BMPER: variants seen among roughly 807,000 people sequenced by gnomAD.
BMPER encodes the protein BMP binding endothelial regulator, also known as BMP-binding endothelial regulator protein.
In BMPER, 45 loss-of-function variants were observed where a neutral mutation model predicts 87.3. The ratio of observed to expected loss-of-function variants is 0.52; its 90% CI spans 0.41 to 0.66. The LOEUF is 0.66. BMPER is among the 30% of genes least tolerant of loss of function. The pLI is 0.00. For missense variants in BMPER, 784 were observed against 867.5 expected (o/e 0.90, Z 1.21); for synonymous variants, 326 against 316.2 (o/e 1.03, Z -0.33).
chr7:34,103,234 G>T (rs767674277), intron 13 of BMPER, among the ~76,000 whole-genome samples: 7 of 152,096 alleles, frequency 4.6e-5, no homozygotes, highest in Non-Finnish European at 8.8e-5. Flanking sequence ...TGGGTGTAGA[G>T]AGAATGAGCT....
intron 13 of BMPER, among the ~76,000 whole-genome samples, chr7:34,130,019 A>T (rs184225351): frequency 3.3e-5 from 5 of 152,184 alleles, no homozygotes; most frequent in Admixed American, 6.5e-5. Context: ...ATGATAAGTG[A>T]ATAGGAGGGT....
chr7:33,925,137 G>A (rs1784330765), intron 2 of BMPER, among the ~76,000 whole-genome samples: 1 of 152,262 alleles, frequency 6.6e-6, no homozygotes, highest in African/African-American at 2.4e-5. Context: ...GCCCTCCCAT[G>A]TTCATTTGTA....
intron 6 of BMPER, among the ~76,000 whole-genome samples, chr7:34,041,313 C>T (rs924143573): frequency 2.0e-5 from 3 of 152,104 alleles, no homozygotes; most frequent in African/African-American, 7.2e-5. Context: ...AAGCACAGTA[C>T]CTGGCACAAC....
chr7:34,136,428 G>A (rs953579986), intron 13 of BMPER, among the ~76,000 whole-genome samples: 1 of 152,188 alleles, frequency 6.6e-6, no homozygotes, highest in African/African-American at 2.4e-5. Context: ...ACTACCTTTA[G>A]TTGTCTCCAT....
chr7:33,938,917 G>A (rs1784679486), intron 3 of BMPER, among the ~76,000 whole-genome samples: 1 of 152,090 alleles, frequency 6.6e-6, no homozygotes, highest in African/African-American at 2.4e-5. Flanking sequence ...TCCCAGTACT[G>A]GGGAGGCTGA....
intron 9 of BMPER, among the ~76,000 whole-genome samples, chr7:34,056,616 C>CTTTT (rs34663962): frequency 7.6e-6 from 1 of 131,168 alleles, no homozygotes. Context: ...GTGCAATGCA[C>CTTTT]TTTTTTTTTT....
chr7:34,071,109 T>G (rs1466625853), intron 11 of BMPER, among the ~76,000 whole-genome samples: 3 of 152,156 alleles, frequency 2.0e-5, no homozygotes, highest in Non-Finnish European at 4.4e-5. Flanking sequence ...GCTTACTTCA[T>G]TCTAGCCCCA....
At chr7:34,046,564 T>A (rs1585772933) in intron 7 of BMPER, among the ~76,000 whole-genome samples, 159 bp downstream of exon 7, 1 of 152,232 alleles carries the variant, frequency 6.6e-6, no homozygotes. Flanking sequence ...GGAAGGTGTG[T>A]ACAGGGTTTG....
intron 6 of BMPER, among the ~76,000 whole-genome samples, chr7:33,976,859 A>T (rs1785700301): frequency 6.6e-6 from 1 of 152,192 alleles, no homozygotes; most frequent in Non-Finnish European, 1.5e-5. Context: ...AGGCATTCTG[A>T]TTTCATATGT....
chr7:34,083,995 A>G (rs1165642806), intron 12 of BMPER, among the ~76,000 whole-genome samples: 1 of 140,694 alleles, frequency 7.1e-6, no homozygotes, highest in African/African-American at 2.9e-5. Flanking sequence ...CACAAGAGGA[A>G]AGATTTAAAA....
chr7:33,929,628 G>T (rs536191645), intron 2 of BMPER, among the ~76,000 whole-genome samples: 2 of 152,320 alleles, frequency 1.3e-5, no homozygotes, highest in East Asian at 3.9e-4. Flanking sequence ...GCATAGTGAT[G>T]AAATCATAGG....
At chr7:33,956,285 C>CA (rs1463040709) in intron 3 of BMPER, among the ~76,000 whole-genome samples, 1 of 151,868 alleles carries the variant, frequency 6.6e-6, no homozygotes, top group Non-Finnish European at 1.5e-5. Context: ...GTGAGGACAA[C>CA]AAAAAATCTA....
chr7:33,965,935 T>A (rs1362559253), intron 3 of BMPER, among the ~76,000 whole-genome samples: 3 of 152,218 alleles, frequency 2.0e-5, no homozygotes, highest in Admixed American at 6.5e-5. Flanking sequence ...AAAAAGTAAG[T>A]ATGAAATTAT....
At chr7:33,979,365 A>G (rs1785782625) in intron 6 of BMPER, among the ~76,000 whole-genome samples, 1 of 151,292 alleles carries the variant, frequency 6.6e-6, no homozygotes. Context: ...CTCCCTGAGA[A>G]CCTGATTCCC....
rs144810488 is a variant in BMPER, at chr7:34,048,357, TAC to T, written c.676+1964_676+1965del. On this transcript the variant is annotated intron_variant, in intron 7 of 14. Transcript: ENST00000649409. The stretch of plus-strand genomic sequence containing the variant: ...CACACATACACCTGCTACACACACG[TAC>T]ACACACACACATGTTTAAAGTAAAT... Among the ~76,000 whole-genome samples the T allele has an allele frequency of 3.0e-4, 45 of 151,838 alleles. 2 individuals carry two copies. The highest frequency in any genetic ancestry group is 2.1e-4 in the South Asian group (1 of 4,820).
intron 6 of BMPER, among the ~76,000 whole-genome samples, chr7:33,993,941 G>A (rs1585716651): frequency 6.6e-6 from 1 of 152,160 alleles, no homozygotes; most frequent in Non-Finnish European, 1.5e-5. Flanking sequence ...CGGGGGTCAG[G>A]GGTCAGGGAC....
At chr7:34,059,525 C>A (rs1788376477) in intron 10 of BMPER, among the ~76,000 whole-genome samples, 1 of 150,880 alleles carries the variant, frequency 6.6e-6, no homozygotes, top group Admixed American at 6.6e-5. Flanking sequence ...CCACCCACCC[C>A]CTCCACGCCT....
intron 6 of BMPER, among the ~76,000 whole-genome samples, chr7:34,041,237 T>C (rs1324569203): frequency 1.3e-5 from 2 of 152,182 alleles, no homozygotes; most frequent in African/African-American, 4.8e-5. Context: ...CATTCTCTGC[T>C]GTAGGGGTGA....
chr7:34,117,170 T>G (rs1790139810), intron 13 of BMPER, among the ~76,000 whole-genome samples: 1 of 152,192 alleles, frequency 6.6e-6, no homozygotes, highest in Non-Finnish European at 1.5e-5. Context: ...CCCTTATGTT[T>G]TTGGAAATTA....
Sources: allele counts gnomAD v4.1 joint callset (sites outside exome capture counted in the v4.1 genomes callset), GRCh38; gene constraint gnomAD v4.1.1; transcripts MANE v1.5; gene names NCBI Gene and HGNC (gene_info 2026-07-23, HGNC 2026-07-21).